STK35: variants seen among roughly 807,000 people sequenced by gnomAD.
STK35 encodes serine/threonine-protein kinase 35.
STK35 carries 17 observed loss-of-function variants against 37.3 expected under a neutral mutation model. The ratio of observed to expected loss-of-function variants is 0.46; its 90% CI spans 0.31 to 0.68. The LOEUF is 0.68. Among genes scored for constraint, STK35 ranks in the 30% least tolerant of loss-of-function variants. STK35 has a pLI of 0.05. For missense variants in STK35, 595 were observed against 746.7 expected (o/e 0.80, Z 2.37); for synonymous variants, 385 against 319.1 (o/e 1.21, Z -2.20).
In STK35 at chr20:2,135,141, G is replaced by A. The variant is rs542879476; in HGVS notation, c.*38-8643G>A. On this transcript the variant is annotated intron_variant, in intron 3 of 3. Transcript: ENST00000381482. ...AACAGGCAAGATCCTTCATCTTCCC[G>A]TGTTTCACTTCAGTTCCTCTTAGTA... Among the ~76,000 whole-genome samples the A allele has an allele frequency of 8.7e-4, 133 of 152,300 alleles. 1 individual carries two copies. The highest frequency in any genetic ancestry group is 2.9e-3 in the African/African-American group (121 of 41,562).
chr20:2,139,957 C>T (rs910682501), intron 3 of STK35, among the ~76,000 whole-genome samples: 2 of 152,192 alleles, frequency 1.3e-5, no homozygotes, highest in African/African-American at 4.8e-5. Context: ...ATTGCTGAGC[C>T]GGCTTTGGAA....
Position 2,103,249 on chromosome 20 carries a change from A to G in STK35, c.776A>G (p.Gln259Arg), listed in dbSNP as rs1162172664. Reference protein sequence around the residue: ...WALTSLKRRHQNVVQFEECVL... With the variant: ...WALTSLKRRHRNVVQFEECVL... ...CTCACCAGCCTCAAGCGGCGCCACC[A>G]GAACGTCGTGCAGTTTGAGGAGTGC... Residue 259 changes from glutamine (Q) to arginine (R), a missense_variant, in exon 2 of 4, where the codon CAG becomes CGG. Around this residue, in one of 3 missense-constraint regions of STK35, gnomAD observed 97 missense variants for 146.4 expected, o/e 0.66. Coordinates refer to ENST00000381482, the MANE Select transcript of STK35 (RefSeq NM_080836.4). 1 of 1,613,250 alleles carries G rather than the reference A, an allele frequency of 6.2e-7. No homozygotes were observed. Among genetic ancestry groups the G allele is most frequent in the East Asian group, 2.2e-5 (1 of 44,818 alleles).
At chr20:2,141,442 A>G (rs1272071167) in intron 3 of STK35, among the ~76,000 whole-genome samples, 2 of 152,138 alleles carry the variant, frequency 1.3e-5, no homozygotes, top group East Asian at 3.8e-4. Context: ...GGAGTCACAT[A>G]GTCTAACCTC....
At chr20:2,135,200 A>G (rs1006992240) in intron 3 of STK35, among the ~76,000 whole-genome samples, 2 of 152,188 alleles carry the variant, frequency 1.3e-5, no homozygotes, top group Non-Finnish European at 2.9e-5. Flanking sequence ...CTATGATTGC[A>G]TCTGTGCTTT....
At chr20:2,121,256 G>A (rs951673418) in intron 3 of STK35, among the ~76,000 whole-genome samples, 1 of 152,200 alleles carries the variant, frequency 6.6e-6, no homozygotes, top group Non-Finnish European at 1.5e-5. Context: ...GGGATAAGAT[G>A]GGAGGCTGTT....
intron 3 of STK35, among the ~76,000 whole-genome samples, chr20:2,125,134 C>G (rs1351799047): frequency 6.6e-6 from 1 of 152,176 alleles, no homozygotes; most frequent in Non-Finnish European, 1.5e-5. Context: ...GATAGCATCC[C>G]TTTGGGCAAA....
intron 3 of STK35, among the ~76,000 whole-genome samples, chr20:2,131,149 A>G (rs1311868675): frequency 1.3e-5 from 2 of 152,204 alleles, no homozygotes; most frequent in Non-Finnish European, 2.9e-5. Context: ...TGGATGGTAT[A>G]GCCTCCTATA....
At chr20:2,129,363 C>T in intron 3 of STK35, among the ~76,000 whole-genome samples, 1 of 152,104 alleles carries the variant, frequency 6.6e-6, no homozygotes, top group Non-Finnish European at 1.5e-5. Flanking sequence ...GAATGAAAAG[C>T]TGGCAGAGGC....
At chr20:2,132,066 T>C (rs1281589194) in intron 3 of STK35, among the ~76,000 whole-genome samples, 1 of 151,906 alleles carries the variant, frequency 6.6e-6, no homozygotes, top group African/African-American at 2.4e-5. Context: ...GCATCCTAAG[T>C]ATTGTTGTCC....
At position 2,145,409 on chromosome 20, in the gene STK35, A is replaced by ATGTGACTG. The variant is rs1371942756; in HGVS notation, c.*1669_*1670insTGTGTGAC. The ATGTGACTG allele has an allele frequency of 4.0e-5, 6 of 151,828 alleles. No individual in the cohort carries two copies. Among genetic ancestry groups the ATGTGACTG allele is most frequent in the Admixed American group, 2.0e-4 (3 of 15,220 alleles). The allele number at this position is 151,828 out of a possible 1,614,324, so 9.4% of individuals were successfully genotyped here. A position where few individuals can be genotyped will look rare whatever the true frequency, so the allele number is the denominator to read the frequency against. The stretch of plus-strand genomic sequence containing the variant: ...ACGGTTGGCGGGCATTTCCGTTTCT[A>ATGTGACTG]TGTGACCAAGGCAGCAGGGGCTTTT... On this transcript the variant is annotated 3_prime_UTR_variant, in exon 4 of 4. Transcript: ENST00000381482.
At chr20:2,118,877 G>A (rs1488457641) in intron 3 of STK35, among the ~76,000 whole-genome samples, 1 of 152,190 alleles carries the variant, frequency 6.6e-6, no homozygotes, top group African/African-American at 2.4e-5. Flanking sequence ...AGGAATGATA[G>A]GCCATACATG....
Position 2,117,178 on chromosome 20 carries a change from CAG to C in STK35, c.1406_1407del (p.Gln469ArgfsTer3). 1 of 1,614,170 alleles carries C rather than the reference CAG, an allele frequency of 6.2e-7. No individual in the cohort carries two copies. Among genetic ancestry groups the C allele is most frequent in the Non-Finnish European group, 8.5e-7 (1 of 1,180,030 alleles). On this transcript the variant is annotated frameshift_variant, in exon 3 of 4. Transcript: ENST00000381482. LOFTEE classifies it high-confidence loss of function. The surrounding 1 kb of genome is among the most constrained non-coding windows in gnomAD (Gnocchi z 4.4). ...GGAGCTCCTGGGGACCTACATTAAA[CAG>C]GGGACTGAGATCGTCCCTGTTGGTG... ...KKELLGTYIK[Q>X]GTEIVPVGEA...
At chr20:2,126,417 G>A (rs1378575942) in intron 3 of STK35, among the ~76,000 whole-genome samples, 1 of 152,222 alleles carries the variant, frequency 6.6e-6, no homozygotes, top group Admixed American at 6.5e-5. Flanking sequence ...GGTTTTAGGG[G>A]TACCTTGTAA....
intron 3 of STK35, among the ~76,000 whole-genome samples, chr20:2,131,331 T>C (rs1178151702): frequency 6.6e-6 from 1 of 152,180 alleles, no homozygotes; most frequent in East Asian, 1.9e-4. Context: ...GTAAAAAAAA[T>C]GGCTGGGCTT....
chr20:2,128,949 C>T (rs1053401322), intron 3 of STK35, among the ~76,000 whole-genome samples: 3 of 152,006 alleles, frequency 2.0e-5, no homozygotes, highest in South Asian at 2.1e-4. Flanking sequence ...CTCAGCCTCC[C>T]GAGTAGCTGG....
In STK35 at chr20:2,145,046, CTCGCCA is replaced by C. The variant is rs2122596459; in HGVS notation, c.*1301_*1306del. The C allele has an allele frequency of 6.6e-6, 1 of 152,410 alleles. No individual in the cohort carries two copies. Among genetic ancestry groups the C allele is most frequent in the East Asian group, 1.9e-4 (1 of 5,140 alleles). 9.4% of individuals were successfully genotyped at this position (152,410 alleles called of 1,614,324 possible). A position where few individuals can be genotyped will look rare whatever the true frequency, so the allele number is the denominator to read the frequency against. Reference sequence around the variant, plus strand: ...GCAGCGTTAGGGGCCCATTTGTGGGCTCGCCACCTTCAGGCTTCCCCAGCCATGACA... The same window carrying C: ...GCAGCGTTAGGGGCCCATTTGTGGGCCCTTCAGGCTTCCCCAGCCATGACA... On this transcript the variant is annotated 3_prime_UTR_variant, in exon 4 of 4. Transcript: ENST00000381482.
chr20:2,140,013 G>T (rs146158756), intron 3 of STK35, among the ~76,000 whole-genome samples: 2 of 152,294 alleles, frequency 1.3e-5, no homozygotes, highest in East Asian at 3.9e-4. Context: ...GGGTAGTAAA[G>T]CTGGAAAACT....
chr20:2,123,757 G>A (rs73070307), intron 3 of STK35, among the ~76,000 whole-genome samples: 3 of 152,120 alleles, frequency 2.0e-5, no homozygotes, highest in African/African-American at 4.8e-5. Flanking sequence ...AGTTGGGACC[G>A]CCAGTACTAA....
chr20:2,102,880 C>G lies in STK35; in HGVS notation c.407C>G (p.Thr136Arg). The change falls in exon 2 of 4, where the codon ACG (threonine) becomes AGG (arginine). Residue 136 changes from threonine to arginine, a missense_variant. By Grantham distance (71) the Thr-to-Arg change is moderately conservative. Transcript: ENST00000381482. ...CCCCCGCCGCCCGCAGCCATGGAAA[C>G]GGGGAAGGACGGCGCCCGCAGAGGT... ...LLPPPPAAME[T>R]GKDGARRGTQ... The G allele has an allele frequency of 1.9e-6, 3 of 1,565,452 alleles. No individual in the cohort carries two copies. Among genetic ancestry groups the G allele is most frequent in the Non-Finnish European group, 2.6e-6 (3 of 1,163,876 alleles).
Sources: gnomAD v4.1 joint callset for allele counts (sites outside exome capture counted in the v4.1 genomes callset) on GRCh38, gnomAD v4.1.1 for gene constraint, gnomAD v4.1.1 regional missense constraint, Gnocchi (gnomAD v3.1) non-coding constraint, MANE v1.5 for transcripts, NCBI Gene and HGNC (gene_info 2026-07-23, HGNC 2026-07-21) for gene names.